FBXW8: variants seen among roughly 807,000 people sequenced by gnomAD.
The protein encoded by FBXW8 is F-box and WD repeat domain containing 8, also known as F-box/WD repeat-containing protein 8.
Under a neutral mutation model 65.3 loss-of-function variants are expected in FBXW8, and 57 were observed. The observed-to-expected ratio is 0.87, with a 90% CI of 0.71 to 1.09. The LOEUF is 1.09. Ranked by LOEUF, FBXW8 falls within the 50% of genes least tolerant of loss-of-function variation. The probability of loss-of-function intolerance (pLI) is 0.00; values close to 1 mark genes in which losing one functional copy is unlikely to be tolerated. For missense variants in FBXW8, 777 were observed against 814.8 expected, an observed-to-expected ratio of 0.95 and a Z score of 0.57; for synonymous variants, 308 against 330.2, an observed-to-expected ratio of 0.93 and a Z score of 0.73.
intron 7 of FBXW8, among the ~76,000 whole-genome samples, chr12:117,007,974 G>A (rs940965968): frequency 2.0e-5 from 3 of 152,146 alleles, no homozygotes; most frequent in East Asian, 1.9e-4. Flanking sequence ...GTTCGGATTC[G>A]TTTGAATTAT....
chr12:116,976,621 ATT>A (rs58135251), intron 5 of FBXW8, among the ~76,000 whole-genome samples: 135 of 137,942 alleles, frequency 9.8e-4, no homozygotes, highest in Middle Eastern at 3.7e-3. Flanking sequence ...ACACCGGCTA[ATT>A]TTTTTTTTTT....
intron 8 of FBXW8, among the ~76,000 whole-genome samples, chr12:117,011,625 A>G (rs1442743699): frequency 6.6e-6 from 1 of 152,092 alleles, no homozygotes; most frequent in Non-Finnish European, 1.5e-5. Flanking sequence ...CCCGCATTTT[A>G]GTTTTCAGGT....
At chr12:117,000,254 G>A (rs1159991766) in intron 7 of FBXW8, among the ~76,000 whole-genome samples, 2 of 152,196 alleles carry the variant, frequency 1.3e-5, no homozygotes, top group African/African-American at 2.4e-5. Context: ...GGGATTACAG[G>A]CGTGAGCCAC....
At chr12:117,026,171 A>G (rs1266111868) in intron 9 of FBXW8, among the ~76,000 whole-genome samples, 1 of 152,234 alleles carries the variant, frequency 6.6e-6, no homozygotes, top group Non-Finnish European at 1.5e-5. Flanking sequence ...CGCCTGCCTG[A>G]CAGGGTGCCG....
Position 116,915,271 on chromosome 12 carries a change from GTTCTGGTCATAGCTT to G in FBXW8, c.318+3918_318+3932del, listed in dbSNP as rs1157427843. ...CCCAGCTCATCAGGTGTTTTTATGT[GTTCTGGTCATAGCTT>G]TATAATTCGTTTCATAGTGGCAGCT... On this transcript the variant is annotated intron_variant, in intron 1 of 10. Transcript: ENST00000652555. 2.6e-5 allele frequency among the ~76,000 whole-genome samples: 4 copies of G among 152,300 alleles called. No individual in the cohort carries two copies. The South Asian group carries it at 8.3e-4, about 32-fold the overall frequency.
intron 8 of FBXW8, among the ~76,000 whole-genome samples, chr12:117,010,658 A>T (rs1341447332): frequency 6.6e-6 from 1 of 152,216 alleles, no homozygotes; most frequent in East Asian, 1.9e-4. Flanking sequence ...TCATTTCTGA[A>T]GCACCACGGG....
chr12:116,940,515 T>G (rs1592863621), intron 2 of FBXW8, among the ~76,000 whole-genome samples: 1 of 145,976 alleles, frequency 6.9e-6, no homozygotes, highest in Admixed American at 6.8e-5. Context: ...TTCCTTCCAG[T>G]TTGTGTTTAA....
chr12:116,930,576 T>C (rs868033410), intron 2 of FBXW8, among the ~76,000 whole-genome samples: 1 of 152,208 alleles, frequency 6.6e-6, no homozygotes, highest in Non-Finnish European at 1.5e-5. Flanking sequence ...TTTGGAAATA[T>C]TTTTTCTCTT....
chr12:116,953,055 A>G (rs1018031811), intron 4 of FBXW8, among the ~76,000 whole-genome samples: 1 of 152,082 alleles, frequency 6.6e-6, no homozygotes, highest in Admixed American at 6.5e-5. Context: ...ATCTTTTAAA[A>G]CCATGAGTGG....
At chr12:117,004,360 CAT>C (rs1247327575) in intron 7 of FBXW8, among the ~76,000 whole-genome samples, 1 of 152,178 alleles carries the variant, frequency 6.6e-6, no homozygotes, top group African/African-American at 2.4e-5. Context: ...TTCTGTCTCA[CAT>C]ATGATATATC....
intron 3 of FBXW8, among the ~76,000 whole-genome samples, chr12:116,948,528 G>A (rs1883075496): frequency 6.6e-6 from 1 of 152,152 alleles, no homozygotes; most frequent in African/African-American, 2.4e-5. Context: ...CCTAATAATA[G>A]AAATAATAAT....
intron 1 of FBXW8, among the ~76,000 whole-genome samples, chr12:116,912,610 A>G (rs1037365233): frequency 6.6e-6 from 1 of 151,764 alleles, no homozygotes; most frequent in East Asian, 1.9e-4. Context: ...ACAGGCGCCC[A>G]CCACCACGCC....
chr12:116,929,192 C>G (rs138087117), intron 2 of FBXW8, among the ~76,000 whole-genome samples: 4 of 152,140 alleles, frequency 2.6e-5, no homozygotes, highest in East Asian at 1.9e-4. Context: ...CCATTAACAT[C>G]GTTCTCTTGT....
intron 9 of FBXW8, among the ~76,000 whole-genome samples, chr12:117,024,566 A>G (rs565432584): frequency 6.6e-6 from 1 of 152,228 alleles, no homozygotes; most frequent in African/African-American, 2.4e-5. Flanking sequence ...GATCGCCACA[A>G]TTCCTACATT....
intron 5 of FBXW8, among the ~76,000 whole-genome samples, chr12:116,974,460 T>G (rs1278253696): frequency 1.3e-5 from 2 of 152,164 alleles, no homozygotes; most frequent in Non-Finnish European, 2.9e-5. Context: ...AGCCCTAGAC[T>G]AAAAGCTGCT....
intron 9 of FBXW8, among the ~76,000 whole-genome samples, chr12:117,026,694 A>C (rs1458379617): frequency 2.0e-5 from 3 of 152,196 alleles, no homozygotes; most frequent in Non-Finnish European, 1.5e-5. Context: ...GTGCTACAGA[A>C]ACAATGGTCA....
chr12:117,018,118 T>A lies in FBXW8; in HGVS notation c.1368-6029T>A, dbSNP rs145245164. On this transcript the variant is annotated intron_variant, in intron 8 of 10. Transcript: ENST00000652555. ...CCTGCCCATCAGATGGATGCTCCTC[T>A]GTTGGAGTCTTTGGAAGGTTCTGGT... Among the ~76,000 whole-genome samples, 443 of 152,308 alleles carry A rather than the reference T, an allele frequency of 2.9e-3. 1 individual carries two copies. Among genetic ancestry groups the A allele is most frequent in the Non-Finnish European group, 3.9e-3 (264 of 68,018 alleles).
At chr12:117,002,611 A>G (rs1357179459) in intron 7 of FBXW8, 1 of 152,218 alleles carries the variant, frequency 6.6e-6, no homozygotes, top group Non-Finnish European at 1.5e-5. Context: ...CCGTGTTACC[A>G]AGCCTCACGC....
intron 7 of FBXW8, among the ~76,000 whole-genome samples, chr12:116,993,304 A>G (rs563309262): frequency 2.6e-5 from 4 of 151,936 alleles, no homozygotes; most frequent in East Asian, 3.9e-4. Context: ...AAGTTTCACC[A>G]TGTTGGCCAG....
Sources: gnomAD v4.1 joint callset for allele counts (sites outside exome capture counted in the v4.1 genomes callset) on GRCh38, gnomAD v4.1.1 for gene constraint, MANE v1.5 for transcripts, NCBI Gene and HGNC (gene_info 2026-07-23, HGNC 2026-07-21) for gene names.